The following SLC71A1 variants were observed in gnomAD, a reference collection of about 807,000 sequenced individuals.
The protein encoded by SLC71A1 is solute carrier family 71 member 1.
the SLC71A1 span, chr1:100,077,285 T>C: frequency 7.7e-7 from 1 of 1,302,162 alleles, no homozygotes; most frequent in African/African-American, 1.5e-5. Context: ...TTGGTAAGTA[T>C]AAATATTTTA....
At chr1:100,082,324 G>A in the SLC71A1 span, 1 of 782,206 alleles carries the variant, frequency 1.3e-6, no homozygotes, top group Non-Finnish European at 2.1e-6. Flanking sequence ...CTTAAGAAAT[G>A]TATCTGCATG....
the SLC71A1 span, among the ~76,000 whole-genome samples, chr1:100,056,956 A>G: frequency 1.3e-5 from 2 of 152,096 alleles, no homozygotes; most frequent in Non-Finnish European, 1.5e-5. Context: ...TCATATACCT[A>G]TTGGTCACTT....
At chr1:100,059,502 G>A in the SLC71A1 span, among the ~76,000 whole-genome samples, 1 of 150,814 alleles carries the variant, frequency 6.6e-6, no homozygotes, top group African/African-American at 2.4e-5. Context: ...TTTCGAAATA[G>A]GTAATTAGCC....
At chr1:100,072,328 T>C in the SLC71A1 span, among the ~76,000 whole-genome samples, 5 of 152,316 alleles carry the variant, frequency 3.3e-5, no homozygotes, top group African/African-American at 9.6e-5. Flanking sequence ...TGCTATTCTT[T>C]CTGCCTCCCC....
At chr1:100,058,665 G>A in the SLC71A1 span, 2 of 1,508,004 alleles carry the variant, frequency 1.3e-6, no homozygotes, top group Admixed American at 1.7e-5. Context: ...TTATTCTTTA[G>A]GTATTACATG....
the SLC71A1 span, chr1:100,038,377 AC>A: frequency 9.0e-6 from 12 of 1,333,262 alleles, no homozygotes; most frequent in Non-Finnish European, 1.3e-5. Flanking sequence ...TCTCCTTCAG[AC>A]CCCCACACTG....
the SLC71A1 span, among the ~76,000 whole-genome samples, chr1:100,067,042 TGCCCAGGCTGGTC>T: frequency 6.6e-6 from 1 of 151,586 alleles, no homozygotes; most frequent in Non-Finnish European, 1.5e-5. Flanking sequence ...CTTGCTGTGT[TGCCCAGGCTGGTC>T]ACAAACTTCT....
chr1:100,074,840 ACTCTAGCCTTGG>A, the SLC71A1 span, among the ~76,000 whole-genome samples: 2 of 152,184 alleles, frequency 1.3e-5, no homozygotes, highest in Admixed American at 1.3e-4. Flanking sequence ...GTGACACTGC[ACTCTAGCCTTGG>A]CAACAGAGCG....
At chr1:100,082,504 A>AT in the SLC71A1 span, 1 of 340,638 alleles carries the variant, frequency 2.9e-6, no homozygotes, top group South Asian at 3.3e-5. Flanking sequence ...CTTCTTAGAT[A>AT]TTAGCAAATG....
chr1:100,058,662 T>G, the SLC71A1 span: 1 of 1,495,324 alleles, frequency 6.7e-7, no homozygotes, highest in Non-Finnish European at 9.3e-7. Flanking sequence ...TTTTTATTCT[T>G]TAGGTATTAC....
At chr1:100,044,076 G>C in the SLC71A1 span, among the ~76,000 whole-genome samples, 1 of 152,142 alleles carries the variant, frequency 6.6e-6, no homozygotes, top group Non-Finnish European at 1.5e-5. Flanking sequence ...CCCAGTAGTG[G>C]GATTGCTGGA....
chr1:100,049,827 A>G, the SLC71A1 span: 2 of 701,930 alleles, frequency 2.8e-6, no homozygotes, highest in African/African-American at 1.8e-5. Context: ...TTTGTTGACT[A>G]TTAACATCGT....
At chr1:100,064,125 A>ATG in the SLC71A1 span, among the ~76,000 whole-genome samples, 7 of 152,098 alleles carry the variant, frequency 4.6e-5, no homozygotes, top group African/African-American at 1.2e-4. Flanking sequence ...GTGTGTATGT[A>ATG]TGTGTGTGTA....
the SLC71A1 span, among the ~76,000 whole-genome samples, chr1:100,044,124 G>A: frequency 2.6e-5 from 4 of 152,132 alleles, no homozygotes; most frequent in Admixed American, 6.6e-5. Flanking sequence ...TTAAGGAATC[G>A]CCATACTGTT....
the SLC71A1 span, chr1:100,078,433 T>G: frequency 1.3e-6 from 2 of 1,541,330 alleles, no homozygotes; most frequent in South Asian, 2.3e-5. Flanking sequence ...TGTTTTTGTT[T>G]TGCTGCTCTC....
chr1:100,066,851 A>T, the SLC71A1 span, among the ~76,000 whole-genome samples: 1 of 151,740 alleles, frequency 6.6e-6, no homozygotes, highest in Non-Finnish European at 1.5e-5. Context: ...TAGCCGGGCG[A>T]GGTGGCGGGC....
At chr1:100,080,404 T>C in the SLC71A1 span, 17,175 of 1,013,496 alleles carry the variant, frequency 0.017, 205 homozygotes, top group Non-Finnish European at 0.021. Context: ...AAGCTTGATT[T>C]TAGATTAAGT....
At chr1:100,038,463 C>T in the SLC71A1 span, 13 of 692,742 alleles carry the variant, frequency 1.9e-5, no homozygotes, top group South Asian at 1.7e-4. Context: ...GGGTCGCGGA[C>T]CCGCATGCCG....
the SLC71A1 span, among the ~76,000 whole-genome samples, chr1:100,076,035 C>G: frequency 6.6e-6 from 1 of 152,156 alleles, no homozygotes; most frequent in East Asian, 1.9e-4. Flanking sequence ...GGGCAAGTTT[C>G]CTTTTCTGGT....
Sources: allele counts gnomAD v4.1 joint callset (sites outside exome capture counted in the v4.1 genomes callset), GRCh38; gene constraint gnomAD v4.1.1; transcripts MANE v1.5; gene names NCBI Gene and HGNC (gene_info 2026-07-23, HGNC 2026-07-21).